Variants in CRTC1 observed in about 807,000 individuals in gnomAD.
The protein encoded by CRTC1 is CREB-regulated transcription coactivator 1.
CRTC1 carries 18 observed loss-of-function variants against 66.1 expected under a neutral mutation model. That is an observed-to-expected ratio of 0.27 (90% CI 0.19 to 0.40). CRTC1 has a LOEUF of 0.40. Ranked by LOEUF, CRTC1 falls within the 10% of genes least tolerant of loss-of-function variation. The pLI, the probability that CRTC1 is intolerant of heterozygous loss-of-function variation, is 1.00. For missense variants in CRTC1, 669 were observed against 887.9 expected (o/e 0.75, Z 3.13); for synonymous variants, 416 against 398.8 (o/e 1.04, Z -0.51).
At chr19:18,767,068 G>C (rs1242762692) in intron 9 of CRTC1, among the ~76,000 whole-genome samples, 1 of 151,862 alleles carries the variant, frequency 6.6e-6, no homozygotes, top group East Asian at 1.9e-4. Context: ...CAGGTTTTCT[G>C]TTTTTTCTTG....
intron 1 of CRTC1, among the ~76,000 whole-genome samples, chr19:18,722,379 G>A (rs1236238619): frequency 6.6e-6 from 1 of 152,188 alleles, no homozygotes; most frequent in Non-Finnish European, 1.5e-5. Flanking sequence ...CCTGGAACGT[G>A]TGACTCTGGC....
In CRTC1 at chr19:18,777,699, A is replaced by G; in HGVS notation, c.*317A>G. 3 of 389,090 alleles carry G rather than the reference A, an allele frequency of 7.7e-6. No individual in the cohort carries two copies. The highest frequency in any genetic ancestry group is 1.4e-5 in the Non-Finnish European group (3 of 213,722). The allele number at this position is 389,090 out of a possible 1,614,324, so 24.1% of individuals were successfully genotyped here. On this transcript the variant is annotated 3_prime_UTR_variant, in exon 14 of 14. Transcript: ENST00000321949. This position sits in a 1 kb window ranked among gnomAD's most constrained non-coding sequence, Gnocchi z 5.5. ...CGGGGCCTGAGCCGTCCCCTGTAAGATGCGGGAAGTGTCAGCTCCCGGCGT... is the reference window on the plus strand; with the variant it reads ...CGGGGCCTGAGCCGTCCCCTGTAAGGTGCGGGAAGTGTCAGCTCCCGGCGT...
At chr19:18,775,961 CCA>C in intron 13 of CRTC1, 140 bp downstream of exon 13, 1 of 877,024 alleles carries the variant, frequency 1.1e-6, no homozygotes, top group Non-Finnish European at 1.7e-6. Flanking sequence ...CCTGAGGAGG[CCA>C]CACCCCCTCT....
intron 1 of CRTC1, among the ~76,000 whole-genome samples, chr19:18,734,942 G>A (rs542601815): frequency 2.6e-5 from 4 of 152,284 alleles, no homozygotes; most frequent in Admixed American, 2.0e-4. Flanking sequence ...ACCCAGCCCC[G>A]GCCTCTGGGA....
At position 18,777,409 on chromosome 19, in the gene CRTC1, AGCC is replaced by A; in HGVS notation, c.*29_*31del. 2 of 1,592,692 alleles carry A rather than the reference AGCC, an allele frequency of 1.3e-6. No homozygotes were observed. The highest frequency in any genetic ancestry group is 2.2e-5 in the South Asian group (2 of 90,906). On this transcript the variant is annotated 3_prime_UTR_variant, in exon 14 of 14. Transcript: ENST00000321949. This position sits in a 1 kb window ranked among gnomAD's most constrained non-coding sequence, Gnocchi z 5.5. The stretch of plus-strand genomic sequence containing the variant: ...CGGGCACGCCGGCACCCTGCCGCTC[AGCC>A]GTCCCGACGGCGCCTCCCCAGCCCG...
chr19:18,729,520 G>A (rs940476466), intron 1 of CRTC1, among the ~76,000 whole-genome samples: 1 of 151,842 alleles, frequency 6.6e-6, no homozygotes, highest in Non-Finnish European at 1.5e-5. Context: ...CGAGTCAGGA[G>A]GATCATTGGA....
chr19:18,730,857 C>A (rs116184857), intron 1 of CRTC1, among the ~76,000 whole-genome samples: 1 of 152,178 alleles, frequency 6.6e-6, no homozygotes, highest in South Asian at 2.1e-4. Context: ...TGGTGTGCCC[C>A]GAGTCGTGGC....
At chr19:18,746,971 C>A in intron 3 of CRTC1, 82 bp from the exon 4 acceptor site, 3 of 1,382,420 alleles carry the variant, frequency 2.2e-6, no homozygotes, top group South Asian at 1.2e-5. Flanking sequence ...GCCAGCCAGC[C>A]GGGGCTTCCT....
At chr19:18,708,162 A>G (rs1012442659) in intron 1 of CRTC1, among the ~76,000 whole-genome samples, 4 of 152,160 alleles carry the variant, frequency 2.6e-5, no homozygotes, top group Non-Finnish European at 4.4e-5. Context: ...TGGGGCCCAG[A>G]GGCCTACAGG....
chr19:18,725,523 C>T (rs1472392381), intron 1 of CRTC1, among the ~76,000 whole-genome samples: 1 of 103,466 alleles, frequency 9.7e-6, no homozygotes, highest in Non-Finnish European at 1.9e-5. Flanking sequence ...ACACACGGGC[C>T]CCTGGGTTCA....
chr19:18,760,124 C>T lies in CRTC1; in HGVS notation c.782C>T (p.Pro261Leu), dbSNP rs1292067379. ...CACTTCCCCTCCCCGCTCCCGACCC[C>T]GCTGGACCCCGAGGAGCCCACCTTC... Reference protein sequence around the residue: ...NIHFPSPLPTPLDPEEPTFPA... With the variant: ...NIHFPSPLPTLLDPEEPTFPA... Residue 261 changes from proline to leucine, a missense_variant, in exon 8 of 14, where the codon CCG becomes CTG. Physicochemically the swap from Pro to Leu is moderately conservative, Grantham distance 98. Around this residue, in one of 8 missense-constraint regions of CRTC1, gnomAD observed 214 missense variants for 323.4 expected, o/e 0.66. Coordinates refer to ENST00000321949, the MANE Select transcript of CRTC1 (RefSeq NM_015321.3). This position sits in a 1 kb window ranked among gnomAD's most constrained non-coding sequence, Gnocchi z 6.2. The T allele has an allele frequency of 4.3e-6, 7 of 1,613,960 alleles. No individual in the cohort carries two copies. Among genetic ancestry groups the T allele is most frequent in the Non-Finnish European group, 5.1e-6 (6 of 1,179,914 alleles).
At chr19:18,735,884 G>A (rs775855534) in intron 1 of CRTC1, among the ~76,000 whole-genome samples, 3 of 152,222 alleles carry the variant, frequency 2.0e-5, no homozygotes, top group African/African-American at 4.8e-5. Flanking sequence ...CTGTGGGCTC[G>A]TGTGAGCAGT....
chr19:18,768,396 C>A lies in CRTC1; in HGVS notation c.1012-89C>A. 1.8e-6 allele frequency: 2 copies of A among 1,134,998 alleles called. No homozygotes were observed. The highest frequency in any genetic ancestry group is 2.1e-5 in the Admixed American group (1 of 46,678). The allele number at this position is 1,134,998 out of a possible 1,614,324, so 70.3% of individuals were successfully genotyped here. On this transcript the variant is annotated intron_variant, in intron 9 of 13. Coordinates refer to ENST00000321949, the MANE Select transcript of CRTC1 (RefSeq NM_015321.3). The surrounding 1 kb of genome is among the most constrained non-coding windows in gnomAD (Gnocchi z 5.6). ...GTGATCACAGGGCCCTTCCACCTCG[C>A]CTGCTGAGCATGCCAGGCTATGGGG...
At chr19:18,715,961 G>A (rs959703584) in intron 1 of CRTC1, among the ~76,000 whole-genome samples, 4 of 152,208 alleles carry the variant, frequency 2.6e-5, no homozygotes, top group African/African-American at 9.6e-5. Context: ...CCGAAGCCTG[G>A]GACAGGTGTA....
At chr19:18,725,507 G>A (rs963743012) in intron 1 of CRTC1, among the ~76,000 whole-genome samples, 16 of 136,034 alleles carry the variant, frequency 1.2e-4, no homozygotes, top group African/African-American at 3.2e-4. Context: ...CTGGCCAGCC[G>A]TCCCCACACA....
At chr19:18,730,056 G>A (rs973302219) in intron 1 of CRTC1, among the ~76,000 whole-genome samples, 2 of 152,176 alleles carry the variant, frequency 1.3e-5, no homozygotes, top group African/African-American at 2.4e-5. Context: ...GATCGAGGTG[G>A]GATGGTGCTG....
Position 18,782,293 on chromosome 19 carries a change from C to A in CRTC1, c.*4911C>A. On this transcript the variant is annotated 3_prime_UTR_variant, in exon 14 of 14. Coordinates refer to ENST00000321949, the MANE Select transcript of CRTC1 (RefSeq NM_015321.3). ...TGCTTTTGTCTTTGTACCTTTGCAT[C>A]CTTTGTAATGAAACGTAATAAAAAT... The A allele has an allele frequency of 4.6e-6, 1 of 219,660 alleles. No homozygotes were observed. The highest frequency in any genetic ancestry group is 9.2e-6 in the Non-Finnish European group (1 of 109,046). 13.6% of individuals were successfully genotyped at this position (219,660 alleles called of 1,614,324 possible).
chr19:18,684,330 A>G (rs1274143430), intron 1 of CRTC1, among the ~76,000 whole-genome samples: 1 of 151,992 alleles, frequency 6.6e-6, no homozygotes, highest in Non-Finnish European at 1.5e-5. Context: ...GTGCCCCCGC[A>G]TCCTTGCTAC....
intron 1 of CRTC1, among the ~76,000 whole-genome samples, chr19:18,694,323 A>C (rs941903637): frequency 1.3e-5 from 2 of 151,152 alleles, no homozygotes; most frequent in Non-Finnish European, 3.0e-5. Flanking sequence ...AAAAAGAAGA[A>C]GAGACGAAGA....
Sources: allele counts gnomAD v4.1 joint callset (sites outside exome capture counted in the v4.1 genomes callset), GRCh38; gene constraint gnomAD v4.1.1; regional missense constraint gnomAD v4.1.1; non-coding constraint Gnocchi (gnomAD v3.1); transcripts MANE v1.5; gene names NCBI Gene and HGNC (gene_info 2026-07-23, HGNC 2026-07-21).